Variants in CLIP4 observed in about 807,000 individuals in gnomAD.
CLIP4 encodes the protein CAP-Gly domain-containing linker protein 4.
CLIP4 carries 47 observed loss-of-function variants against 73.1 expected under a neutral mutation model. That is an observed-to-expected ratio of 0.64 (90% CI 0.51 to 0.82). The LOEUF (loss-of-function observed/expected upper bound fraction) is 0.82. CLIP4 is among the 40% of genes least tolerant of loss of function. The probability of loss-of-function intolerance (pLI) is 0.00; values close to 1 mark genes in which losing one functional copy is unlikely to be tolerated. For synonymous variants in CLIP4, 306 were observed against 295.4 expected (o/e 1.04, Z -0.37); for missense variants, 874 against 852.9 (o/e 1.02, Z -0.31).
At position 29,100,151 on chromosome 2, in the gene CLIP4, A is replaced by T. The variant is rs186861840; in HGVS notation, c.-16+2204A>T. Among the ~76,000 whole-genome samples the T allele has an allele frequency of 4.9e-3, 738 of 151,934 alleles. 3 individuals carry two copies. The highest frequency in any genetic ancestry group is 0.017 in the African/African-American group (710 of 41,440). On this transcript the variant is annotated intron_variant, in intron 1 of 14. Transcript: ENST00000401605. ...CGCCGTGTTGCCCAGGCTGGTCTCA[A>T]ACTCCTGAGCTCAAGTGATCCGCCC... is the stretch of plus-strand genomic sequence containing the variant.
chr2:29,107,895 C>A (rs1668274644), intron 1 of CLIP4, among the ~76,000 whole-genome samples: 1 of 152,150 alleles, frequency 6.6e-6, no homozygotes, highest in Non-Finnish European at 1.5e-5. Context: ...TTAATCAACA[C>A]ACATTTATTG....
Position 29,181,671 on chromosome 2 carries a change from G to C in CLIP4, c.1896G>C (p.Thr632=). 1 of 1,614,164 alleles carries C rather than the reference G, an allele frequency of 6.2e-7. No individual in the cohort carries two copies. The highest frequency in any genetic ancestry group is 8.5e-7 in the Non-Finnish European group (1 of 1,180,010). ...ACGAGGGGTCTCAGGTCCTGCTCAC[G>C]AGCTCCAATGAGATGGGTACTGTTA... The part of the protein sequence containing the change: ...KLHEGSQVLL[T]SSNEMGTVRY... The change falls in exon 16 of 16, where the codon ACG becomes ACC. Residue 632 remains threonine (T), a synonymous_variant. Transcript: ENST00000320081.
intron 6 of CLIP4, among the ~76,000 whole-genome samples, chr2:29,139,266 C>A (rs3099565): frequency 0.19 from 28,775 of 151,562 alleles, 2,947 homozygotes; most frequent in Middle Eastern, 0.29. Flanking sequence ...TGAGATGATC[C>A]TACAGTTTTT....
At chr2:29,153,979 T>A (rs1333790299) in intron 9 of CLIP4, among the ~76,000 whole-genome samples, 1 of 152,240 alleles carries the variant, frequency 6.6e-6, no homozygotes, top group Non-Finnish European at 1.5e-5. Flanking sequence ...TTTTATCTGA[T>A]GTTTTAGTTG....
chr2:29,157,975 G>C lies in CLIP4; in HGVS notation c.1399+628G>C, dbSNP rs1158682277. Among the ~76,000 whole-genome samples the C allele has an allele frequency of 2.6e-5, 4 of 151,980 alleles. No homozygotes were observed. The East Asian group carries it at 7.7e-4, about 29-fold the overall frequency. On this transcript the variant is annotated intron_variant, in intron 11 of 15. Coordinates refer to ENST00000320081, the MANE Select transcript of CLIP4 (RefSeq NM_024692.6). ...TCTTTATTACCAGATTCTTTTTTTA[G>C]TGCTTCTATTAATAGTTCTTGTAGT...
intron 14 of CLIP4, among the ~76,000 whole-genome samples, chr2:29,170,027 C>T (rs1667903089): frequency 6.6e-6 from 1 of 152,184 alleles, no homozygotes; most frequent in South Asian, 2.1e-4. Context: ...CTTTCTGTGC[C>T]TGGCGTATTT....
intron 9 of CLIP4, 40 bp from the exon 10 acceptor site, chr2:29,156,314 T>G: frequency 7.3e-7 from 1 of 1,367,612 alleles, no homozygotes. Flanking sequence ...ATGTTTAATG[T>G]TAAAATTCTT....
exon 1 of CLIP4, chr2:29,097,784 A>T (rs532842228): frequency 6.6e-6 from 1 of 152,342 alleles, no homozygotes; most frequent in African/African-American, 2.4e-5. Flanking sequence ...GGTTTTCTGT[A>T]ATTGGATCTG....
At chr2:29,138,079 C>T (rs11127203) in intron 6 of CLIP4, among the ~76,000 whole-genome samples, 35,394 of 152,028 alleles carry the variant, frequency 0.23, 4,707 homozygotes, top group African/African-American at 0.37. Context: ...AATTCTTTGC[C>T]TAAGCCAATG....
At chr2:29,105,665 A>T (rs1668180095) in intron 1 of CLIP4, among the ~76,000 whole-genome samples, 1 of 152,040 alleles carries the variant, frequency 6.6e-6, no homozygotes, top group African/African-American at 2.4e-5. Flanking sequence ...ATGTTTGTGT[A>T]CCCCCAAATC....
Position 29,145,718 on chromosome 2 carries a change from G to T in CLIP4, c.1021+351G>T, listed in dbSNP as rs149651418. On this transcript the variant is annotated intron_variant, in intron 8 of 15. Coordinates refer to ENST00000320081, the MANE Select transcript of CLIP4 (RefSeq NM_024692.6). ...TTTGTTTGAGACGGAGTCTTGCTCT[G>T]TCGCCCAGGCTATAGTGCAGTGGCT... is the stretch of plus-strand genomic sequence containing the variant. Among the ~76,000 whole-genome samples, 747 of 152,308 alleles carry T rather than the reference G, an allele frequency of 4.9e-3. 4 individuals carry two copies. Among genetic ancestry groups the T allele is most frequent in the African/African-American group, 0.016 (676 of 41,572 alleles).
intron 4 of CLIP4, chr2:29,132,745 G>A (rs1345471599): frequency 6.5e-6 from 1 of 152,808 alleles, no homozygotes; most frequent in Non-Finnish European, 1.5e-5. Context: ...ATAGTCTGAT[G>A]TGGTGGTGCT....
intron 2 of CLIP4, among the ~76,000 whole-genome samples, chr2:29,128,835 T>C (rs1664784535): frequency 6.6e-6 from 1 of 152,162 alleles, no homozygotes; most frequent in Admixed American, 6.5e-5. Flanking sequence ...ACTGTCACGC[T>C]AGCATTCTGT....
intron 14 of CLIP4, among the ~76,000 whole-genome samples, chr2:29,170,618 A>G (rs145549669): frequency 8.8e-4 from 134 of 152,290 alleles, no homozygotes; most frequent in African/African-American, 3.1e-3. Flanking sequence ...AGTCCGAGTT[A>G]TCAGTTTTTT....
intron 6 of CLIP4, among the ~76,000 whole-genome samples, chr2:29,136,781 G>A (rs1279092487): frequency 6.6e-6 from 1 of 152,090 alleles, no homozygotes; most frequent in Admixed American, 6.6e-5. Flanking sequence ...CAGTCCAGCT[G>A]GAGTGTGAAG....
In CLIP4 at chr2:29,182,141, G is replaced by A; in HGVS notation, c.*248G>A. 3.3e-6 allele frequency: 1 copy of A among 299,180 alleles called. No homozygotes were observed. Among genetic ancestry groups the A allele is most frequent in the Non-Finnish European group, 6.1e-6 (1 of 164,220 alleles). 18.5% of individuals were successfully genotyped at this position (299,180 alleles called of 1,614,324 possible). On this transcript the variant is annotated 3_prime_UTR_variant, in exon 16 of 16. Coordinates refer to ENST00000320081, the MANE Select transcript of CLIP4 (RefSeq NM_024692.6). ...AGCTTTAGGTTCCAAGAAGATTCTG[G>A]GACTCAGGAAGAAAAAGTGCCATCA...
At chr2:29,144,454 G>A (rs973992602) in intron 7 of CLIP4, among the ~76,000 whole-genome samples, 1 of 152,114 alleles carries the variant, frequency 6.6e-6, no homozygotes, top group Admixed American at 6.5e-5. Flanking sequence ...TTCCTCCCAA[G>A]CTTTTGTTTC....
Position 29,167,491 on chromosome 2 carries a change from G to A in CLIP4, c.1674G>A (p.Leu558=), listed in dbSNP as rs1197392719. 6 of 1,607,450 alleles carry A rather than the reference G, an allele frequency of 3.7e-6. No individual in the cohort carries two copies. The highest frequency in any genetic ancestry group is 4.2e-6 in the Non-Finnish European group (5 of 1,176,988). The change falls in exon 14 of 16, where the codon CTG becomes CTA. Residue 558 remains leucine, a synonymous_variant. Coordinates refer to ENST00000320081, the MANE Select transcript of CLIP4 (RefSeq NM_024692.6). ...PSRVQRVTDS[L]DTLSEISSNK... is the part of the protein sequence containing the mutation. ...TTATTCATAGAGTAACAGATTCCCT[G>A]GATACCCTTTCAGAAATTTCTTCAA...
intron 6 of CLIP4, among the ~76,000 whole-genome samples, chr2:29,138,888 G>A (rs1665562548): frequency 6.6e-6 from 1 of 152,048 alleles, no homozygotes; most frequent in African/African-American, 2.4e-5. Flanking sequence ...TCAGGTCTAG[G>A]AGGTTTTTTT....
Sources: gnomAD v4.1 joint callset for allele counts (sites outside exome capture counted in the v4.1 genomes callset) on GRCh38, gnomAD v4.1.1 for gene constraint, MANE v1.5 for transcripts, NCBI Gene and HGNC (gene_info 2026-07-23, HGNC 2026-07-21) for gene names.